Variants in REV3L observed in about 807,000 individuals in gnomAD.
REV3L encodes the protein DNA polymerase zeta catalytic subunit.
REV3L carries 69 observed loss-of-function variants against 299.4 expected under a neutral mutation model. The observed-to-expected ratio is 0.23, with a 90% CI of 0.19 to 0.28. The LOEUF is 0.28. REV3L is among the 10% of genes least tolerant of loss of function. The pLI is 1.00. For synonymous variants in REV3L, 1,238 were observed against 1,271.4 expected, an observed-to-expected ratio of 0.97 and a Z score of 0.56; for missense variants, 3,128 against 3,693.8, an observed-to-expected ratio of 0.85 and a Z score of 3.97.
chr6:111,422,649 C>CGTAT (rs1486494405), intron 1 of REV3L, among the ~76,000 whole-genome samples: 1 of 22,502 alleles, frequency 4.4e-5, no homozygotes, highest in Non-Finnish European at 1.1e-4. Flanking sequence ...TATATATATA[C>CGTAT]ATATATATAT....
At chr6:111,372,345 A>C (rs1419035248) in intron 13 of REV3L, among the ~76,000 whole-genome samples, 3 of 152,208 alleles carry the variant, frequency 2.0e-5, no homozygotes, top group African/African-American at 7.2e-5. Flanking sequence ...CATAGTGTTA[A>C]ATAATGGTAG....
intron 1 of REV3L, among the ~76,000 whole-genome samples, chr6:111,462,123 A>T (rs555128274): frequency 6.6e-6 from 1 of 152,292 alleles, no homozygotes; most frequent in Admixed American, 6.5e-5. Flanking sequence ...ACAATTCTCC[A>T]TGGGTCTCTG....
intron 22 of REV3L, 60 bp from the exon 23 acceptor site, chr6:111,333,427 A>ACCT: frequency 1.3e-6 from 2 of 1,578,672 alleles, no homozygotes; most frequent in South Asian, 2.3e-5. Flanking sequence ...TGGTCATTTG[A>ACCT]ATATATAATC....
Position 111,388,046 on chromosome 6 carries a change from A to C in REV3L, c.902T>G (p.Phe301Cys). Residue 301 changes from phenylalanine (F) to cysteine (C), a missense_variant, in exon 8 of 32, where the codon TTT becomes TGT. Physicochemically the swap from Phe to Cys is radical, Grantham distance 205 (BLOSUM62 -2). Coordinates refer to ENST00000368802, the MANE Select transcript of REV3L (RefSeq NM_001372078.1). ...GAGAATTTCCTGAAGTCTCTTCTGA[A>C]ATTTTTTTTCACTTTCTGTTGCTGG... The part of the protein sequence containing the change: ...FVPATESEKK[F>C]QKRLQEILKQ... 2 of 1,612,894 alleles carry C rather than the reference A, an allele frequency of 1.2e-6. No homozygotes were observed. Among genetic ancestry groups the C allele is most frequent in the Non-Finnish European group, 1.7e-6 (2 of 1,179,656 alleles).
chr6:111,409,481 A>G (rs184972287), intron 3 of REV3L, among the ~76,000 whole-genome samples: 184 of 152,276 alleles, frequency 1.2e-3, no homozygotes, highest in African/African-American at 4.0e-3. Context: ...AAACAGTGCA[A>G]AAGGAAAATC....
chr6:111,358,531 T>C (rs985945906), intron 17 of REV3L, among the ~76,000 whole-genome samples: 7 of 152,256 alleles, frequency 4.6e-5, no homozygotes, highest in Admixed American at 3.3e-4. Flanking sequence ...GGCACAATCA[T>C]AGTGCACTAC....
At chr6:111,307,796 A>AT (rs113742829) in intron 30 of REV3L, 1,320 of 483,402 alleles carry the variant, frequency 2.7e-3, no homozygotes, top group East Asian at 4.1e-3. Flanking sequence ...TATCAGATAC[A>AT]TTTTTTTTTT....
At chr6:111,470,113 G>A (rs2128336231) in intron 1 of REV3L, among the ~76,000 whole-genome samples, 1 of 151,852 alleles carries the variant, frequency 6.6e-6, no homozygotes, top group South Asian at 2.1e-4. Context: ...AATTTGAGAG[G>A]AGACATTAAT....
At chr6:111,354,652 T>C (rs1268181908) in intron 18 of REV3L, among the ~76,000 whole-genome samples, 2 of 152,180 alleles carry the variant, frequency 1.3e-5, no homozygotes, top group Non-Finnish European at 1.5e-5. Flanking sequence ...CTAAAAACAT[T>C]TGGAGACAAT....
At position 111,374,804 on chromosome 6, in the gene REV3L, G is replaced by C; in HGVS notation, c.3551C>G (p.Pro1184Arg). The C allele has an allele frequency of 6.2e-7, 1 of 1,612,854 alleles. No individual in the cohort carries two copies. The highest frequency in any genetic ancestry group is 8.5e-7 in the Non-Finnish European group (1 of 1,179,718). Reference sequence around the variant, plus strand: ...GTTCCTTTTCTTAGTAACTATAGAGGGATTAGCAAGCTTTGCTTTTGATTT... The same window carrying C: ...GTTCCTTTTCTTAGTAACTATAGAGCGATTAGCAAGCTTTGCTTTTGATTT... ...IKKSKAKLAN[P>R]SIVTKKRNKR... The change falls in exon 13 of 32, where the codon CCC (proline) becomes CGC (arginine). Residue 1184 changes from proline to arginine, a missense_variant. Coordinates refer to ENST00000368802, the MANE Select transcript of REV3L (RefSeq NM_001372078.1).
At chr6:111,449,561 T>C (rs1336618310) in intron 1 of REV3L, among the ~76,000 whole-genome samples, 5 of 152,326 alleles carry the variant, frequency 3.3e-5, no homozygotes, top group East Asian at 3.9e-4. Flanking sequence ...GAATAACTTA[T>C]GTTTCATCTA....
At chr6:111,474,331 GACA>G (rs1205635124) in intron 1 of REV3L, among the ~76,000 whole-genome samples, 2 of 152,184 alleles carry the variant, frequency 1.3e-5, no homozygotes, top group Admixed American at 6.5e-5. Flanking sequence ...GGCCACCAGA[GACA>G]CCCTCCCTGC....
intron 1 of REV3L, chr6:111,472,053 G>A (rs763243637): frequency 1.1e-5 from 13 of 1,206,486 alleles, no homozygotes; most frequent in Non-Finnish European, 1.4e-5. Flanking sequence ...ATCTTCCTCA[G>A]ATATATTATT....
intron 21 of REV3L, among the ~76,000 whole-genome samples, chr6:111,339,693 TATAAAAA>T (rs1776282864): frequency 6.6e-6 from 1 of 152,164 alleles, no homozygotes; most frequent in Non-Finnish European, 1.5e-5. Flanking sequence ...TAGGCATGAA[TATAAAAA>T]ATACTTTGAA....
intron 1 of REV3L, among the ~76,000 whole-genome samples, chr6:111,444,924 C>T (rs1178899029): frequency 6.6e-6 from 1 of 152,232 alleles, no homozygotes; most frequent in Admixed American, 6.5e-5. Flanking sequence ...CATCCTACTT[C>T]TTTCCCAGAA....
intron 1 of REV3L, among the ~76,000 whole-genome samples, chr6:111,436,747 T>C (rs965196636): frequency 1.3e-5 from 2 of 152,142 alleles, no homozygotes; most frequent in African/African-American, 2.4e-5. Flanking sequence ...TACAATAATA[T>C]GTTGTATATT....
intron 1 of REV3L, among the ~76,000 whole-genome samples, chr6:111,481,317 T>C (rs1793612289): frequency 6.6e-6 from 1 of 152,154 alleles, no homozygotes; most frequent in Admixed American, 6.6e-5. Flanking sequence ...ACCACTATAT[T>C]TAAAAGGGCA....
At chr6:111,362,998 C>G (rs1347957278) in intron 16 of REV3L, among the ~76,000 whole-genome samples, 1 of 152,204 alleles carries the variant, frequency 6.6e-6, no homozygotes, top group Admixed American at 6.5e-5. Flanking sequence ...TACTGCCAGT[C>G]AGATATGTGC....
intron 1 of REV3L, among the ~76,000 whole-genome samples, chr6:111,461,731 A>T (rs533879593): frequency 1.3e-5 from 2 of 152,200 alleles, no homozygotes; most frequent in South Asian, 4.1e-4. Flanking sequence ...GATTAATTAC[A>T]AATATACGGC....
Sources: gnomAD v4.1 joint callset for allele counts (sites outside exome capture counted in the v4.1 genomes callset) on GRCh38, gnomAD v4.1.1 for gene constraint, MANE v1.5 for transcripts, NCBI Gene and HGNC (gene_info 2026-07-23, HGNC 2026-07-21) for gene names.